SLC24A2: variants seen among roughly 807,000 people sequenced by gnomAD.
SLC24A2 encodes solute carrier family 24 member 2.
In SLC24A2, 36 loss-of-function variants were observed where a neutral mutation model predicts 62.0. That is an observed-to-expected ratio of 0.58 (90% confidence interval 0.44 to 0.77). The LOEUF (loss-of-function observed/expected upper bound fraction) is 0.77, where lower values mean the gene tolerates loss of function less well. Among genes scored for constraint, SLC24A2 ranks in the 30% least tolerant of loss-of-function variants. The pLI is 0.00. For synonymous variants in SLC24A2, 358 were observed against 294.0 expected (o/e 1.22, Z -2.23); for missense variants, 846 against 817.9 (o/e 1.03, Z -0.42).
At chr9:19,642,391 G>C (rs145269011) in intron 2 of SLC24A2, among the ~76,000 whole-genome samples, 207 of 152,284 alleles carry the variant, frequency 1.4e-3, no homozygotes, top group African/African-American at 4.6e-3. Flanking sequence ...AGCAGACAGG[G>C]TTGGTGACAA....
the SLC24A2 span, among the ~76,000 whole-genome samples, chr9:20,049,022 G>A: frequency 6.6e-6 from 1 of 152,042 alleles, no homozygotes; most frequent in Non-Finnish European, 1.5e-5. Flanking sequence ...ATGTTGGTGT[G>A]CTGCACCCAT....
chr9:19,531,215 C>G (rs1833693146), intron 8 of SLC24A2, among the ~76,000 whole-genome samples: 1 of 152,190 alleles, frequency 6.6e-6, no homozygotes, highest in Non-Finnish European at 1.5e-5. Flanking sequence ...TTTCCATTTT[C>G]ACACCCCAGG....
the SLC24A2 span, among the ~76,000 whole-genome samples, chr9:19,977,668 T>C: frequency 5.0e-3 from 764 of 152,316 alleles, 1 homozygote; most frequent in Admixed American, 9.5e-3. Flanking sequence ...GGGATTTTCA[T>C]AGGGCAGAAA....
intron 8 of SLC24A2, among the ~76,000 whole-genome samples, chr9:19,535,589 G>A (rs1179070470): frequency 2.0e-5 from 3 of 152,158 alleles, no homozygotes; most frequent in Non-Finnish European, 4.4e-5. Flanking sequence ...AATTTTCCCA[G>A]CACCATTGAT....
At chr9:19,724,967 A>C (rs147527083) in intron 2 of SLC24A2, among the ~76,000 whole-genome samples, 10 of 151,622 alleles carry the variant, frequency 6.6e-5, no homozygotes, top group African/African-American at 2.2e-4. Flanking sequence ...CCTCCCCAAC[A>C]CTCCTTGCCA....
chr9:19,575,814 A>T (rs1835993792), intron 6 of SLC24A2, among the ~76,000 whole-genome samples: 2 of 152,256 alleles, frequency 1.3e-5, no homozygotes, highest in Non-Finnish European at 2.9e-5. Flanking sequence ...TCAACATGTG[A>T]AGCAGAAAAA....
intron 8 of SLC24A2, among the ~76,000 whole-genome samples, chr9:19,535,456 G>A (rs2132686874): frequency 6.6e-6 from 1 of 152,068 alleles, no homozygotes; most frequent in East Asian, 1.9e-4. Context: ...GTATTGCCTA[G>A]GTTTTCTTCT....
the SLC24A2 span, among the ~76,000 whole-genome samples, chr9:19,850,752 A>G: frequency 6.6e-6 from 1 of 151,436 alleles, no homozygotes; most frequent in East Asian, 1.9e-4. Flanking sequence ...CATTTAATGT[A>G]ATATTAAGTT....
At chr9:19,989,746 C>T in the SLC24A2 span, among the ~76,000 whole-genome samples, 2 of 152,282 alleles carry the variant, frequency 1.3e-5, no homozygotes, top group South Asian at 2.1e-4. Context: ...TTTACATTTC[C>T]ACCCAATTCC....
At chr9:20,082,701 T>G in the SLC24A2 span, among the ~76,000 whole-genome samples, 3 of 152,260 alleles carry the variant, frequency 2.0e-5, no homozygotes, top group Admixed American at 6.5e-5. Context: ...GAAGATGCTC[T>G]GTGCTTCCCA....
chr9:20,105,928 C>T, the SLC24A2 span, among the ~76,000 whole-genome samples: 3 of 151,950 alleles, frequency 2.0e-5, no homozygotes, highest in Admixed American at 6.6e-5. Flanking sequence ...TTGAAAGGAT[C>T]AACAAAATTG....
At chr9:19,547,870 T>C (rs1002731180) in intron 8 of SLC24A2, among the ~76,000 whole-genome samples, 5 of 151,716 alleles carry the variant, frequency 3.3e-5, no homozygotes, top group Admixed American at 3.3e-4. Flanking sequence ...AATGCAAGCA[T>C]ATCTTAGAAA....
chr9:19,973,630 C>A, the SLC24A2 span, among the ~76,000 whole-genome samples: 3 of 152,160 alleles, frequency 2.0e-5, no homozygotes, highest in Admixed American at 1.3e-4. Context: ...TAATCCATAA[C>A]TCACAGGATT....
the SLC24A2 span, among the ~76,000 whole-genome samples, chr9:20,264,926 C>A: frequency 2.6e-5 from 4 of 152,188 alleles, no homozygotes; most frequent in Non-Finnish European, 4.4e-5. Flanking sequence ...CACTGTTGGA[C>A]TGTTGGAGAA....
chr9:19,945,344 A>T, the SLC24A2 span, among the ~76,000 whole-genome samples: 1 of 152,092 alleles, frequency 6.6e-6, no homozygotes. Context: ...GAGAGAACAT[A>T]AAAGATTGAG....
intron 2 of SLC24A2, among the ~76,000 whole-genome samples, chr9:19,749,565 A>G (rs573026638): frequency 6.6e-6 from 1 of 152,200 alleles, no homozygotes; most frequent in Non-Finnish European, 1.5e-5. Context: ...TCTAGGCATT[A>G]TAAGAAATGT....
chr9:19,610,762 C>G (rs1334749215), intron 4 of SLC24A2, among the ~76,000 whole-genome samples: 2 of 152,230 alleles, frequency 1.3e-5, no homozygotes, highest in African/African-American at 2.4e-5. Flanking sequence ...TTGTTGGTCA[C>G]TACAACAGAG....
At chr9:19,629,539 C>G (rs1225916056) in intron 2 of SLC24A2, among the ~76,000 whole-genome samples, 5 of 152,174 alleles carry the variant, frequency 3.3e-5, no homozygotes, top group African/African-American at 1.2e-4. Context: ...ATTTCTGTCT[C>G]TTGAAGGTCA....
chr9:20,293,750 A>G, the SLC24A2 span, among the ~76,000 whole-genome samples: 2 of 151,896 alleles, frequency 1.3e-5, no homozygotes, highest in African/African-American at 2.4e-5. Context: ...CCCTTCCCCA[A>G]CCCTTCTATT....
Sources: allele counts gnomAD v4.1 joint callset (sites outside exome capture counted in the v4.1 genomes callset), GRCh38; gene constraint gnomAD v4.1.1; transcripts MANE v1.5; gene names NCBI Gene and HGNC (gene_info 2026-07-23, HGNC 2026-07-21).